ADCY10: variants seen among roughly 807,000 people sequenced by gnomAD.
The protein encoded by ADCY10 is adenylate cyclase 10, also known as adenylate cyclase type 10.
ADCY10 carries 156 observed loss-of-function variants against 183.3 expected under a neutral mutation model. That is an observed-to-expected ratio of 0.85 (90% CI 0.75 to 0.97). ADCY10 has a LOEUF of 0.97. ADCY10 is among the 50% of genes least tolerant of loss of function. The probability of loss-of-function intolerance (pLI) is 0.00; values close to 1 mark genes in which losing one functional copy is unlikely to be tolerated. For missense variants in ADCY10, 1,745 were observed against 1,934.3 expected (o/e 0.90, Z 1.84); for synonymous variants, 645 against 670.0 (o/e 0.96, Z 0.58).
Position 167,827,949 on chromosome 1 carries a change from C to G in ADCY10, c.3750+1318G>C, listed in dbSNP as rs527935328. On this transcript the variant is annotated intron_variant, in intron 26 of 32. Coordinates refer to ENST00000367851, the MANE Select transcript of ADCY10 (RefSeq NM_018417.6). Reference sequence around the variant, plus strand: ...GGCTAGTCTCGAACTCCTGACCTCACGTGATCCGCCCACCTCAGCCTCCCA... The same window carrying G: ...GGCTAGTCTCGAACTCCTGACCTCAGGTGATCCGCCCACCTCAGCCTCCCA... Among the ~76,000 whole-genome samples the G allele has an allele frequency of 5.3e-4, 80 of 151,076 alleles. 1 individual carries two copies. The highest frequency in any genetic ancestry group is 1.8e-3 in the African/African-American group (73 of 41,132).
In ADCY10 at chr1:167,810,768, G is replaced by A. The variant is rs748002734; in HGVS notation, c.4628C>T (p.Thr1543Ile). 2 of 1,614,190 alleles carry A rather than the reference G, an allele frequency of 1.2e-6. No individual in the cohort carries two copies. Among genetic ancestry groups the A allele is most frequent in the Admixed American group, 3.3e-5 (2 of 60,024 alleles). Residue 1543 changes from threonine (T) to isoleucine (I), a missense_variant, in exon 32 of 33, where the codon ACA becomes ATA. Transcript: ENST00000367851. ...GCATTTCTCCAGTATATTCCCCTGT[G>A]TTTCAGAGAGCCGCAAGGCTGTGTT... Reference protein sequence around the residue: ...FLNTALRLSETQGNILEKCWL... With the variant: ...FLNTALRLSEIQGNILEKCWL...
intron 6 of ADCY10, among the ~76,000 whole-genome samples, chr1:167,897,411 C>T (rs1429431001): frequency 1.3e-5 from 2 of 150,166 alleles, no homozygotes; most frequent in Admixed American, 6.7e-5. Flanking sequence ...GTGGGAGAAT[C>T]GCTTGAGACT....
At chr1:167,866,847 A>G (rs12030789) in intron 14 of ADCY10, among the ~76,000 whole-genome samples, 6,023 of 151,806 alleles carry the variant, frequency 0.04, 397 homozygotes, top group East Asian at 0.27. Flanking sequence ...CCAGTGGCCT[A>G]TCTCTCAAAA....
At chr1:167,854,801 A>G (rs1665765604) in intron 17 of ADCY10, among the ~76,000 whole-genome samples, 1 of 152,184 alleles carries the variant, frequency 6.6e-6, no homozygotes, top group South Asian at 2.1e-4. Context: ...GGCTTTGGAA[A>G]GATATACATG....
At chr1:167,905,302 T>C (rs1316448827) in intron 1 of ADCY10, 104 bp from the exon 2 acceptor site, 2 of 874,350 alleles carry the variant, frequency 2.3e-6, no homozygotes, top group South Asian at 1.5e-5. Flanking sequence ...CTGCTTATAG[T>C]GGTGAAAATG....
At chr1:167,832,152 T>C (rs553677992) in intron 25 of ADCY10, among the ~76,000 whole-genome samples, 28 of 152,152 alleles carry the variant, frequency 1.8e-4, no homozygotes, top group Non-Finnish European at 3.1e-4. Context: ...GCAGAACCTA[T>C]AGTAATATAG....
intron 12 of ADCY10, among the ~76,000 whole-genome samples, chr1:167,877,694 A>T (rs2102221381): frequency 6.6e-6 from 1 of 152,322 alleles, no homozygotes; most frequent in Middle Eastern, 3.4e-3. Flanking sequence ...TATAGGAGGA[A>T]AAAAGGAAGA....
At chr1:167,871,281 T>C (rs1667089037) in intron 13 of ADCY10, among the ~76,000 whole-genome samples, 1 of 152,230 alleles carries the variant, frequency 6.6e-6, no homozygotes, top group South Asian at 2.1e-4. Flanking sequence ...TTACCAGGGA[T>C]AAAATTCAAT....
At chr1:167,829,556 A>C (rs950390044) in intron 25 of ADCY10, 133 bp from the exon 26 acceptor site, 5 of 962,766 alleles carry the variant, frequency 5.2e-6, no homozygotes, top group African/African-American at 4.9e-5. Flanking sequence ...GCCTGTCTCC[A>C]TGACTGACAA....
intron 8 of ADCY10, among the ~76,000 whole-genome samples, chr1:167,890,682 G>T (rs138836439): frequency 0.012 from 1,766 of 152,300 alleles, 13 homozygotes; most frequent in African/African-American, 0.017. Flanking sequence ...GTCCACAGAT[G>T]CCATCTGGGA....
chr1:167,843,612 G>A (rs2101956301), intron 21 of ADCY10, among the ~76,000 whole-genome samples: 1 of 152,152 alleles, frequency 6.6e-6, no homozygotes, highest in African/African-American at 2.4e-5. Context: ...CCTCCCAAGG[G>A]CACCCTGGGA....
At position 167,846,002 on chromosome 1, in the gene ADCY10, T is replaced by C. The variant is rs771171117; in HGVS notation, c.2699A>G (p.Lys900Arg). Residue 900 changes from lysine to arginine, a missense_variant, in exon 20 of 33, where the codon AAG (lysine) becomes AGG (arginine). Lys to Arg is a conservative substitution (Grantham distance 26). Transcript: ENST00000367851. ...FEVHYRSLSL[K>R]PSEGMDHGEE... ...CTACTCACCCATCCCTTCACTGGGC[T>C]TCAGAGACAAGGAACGATAGTGCAC... 5 of 1,614,216 alleles carry C rather than the reference T, an allele frequency of 3.1e-6. No individual in the cohort carries two copies. Among genetic ancestry groups the C allele is most frequent in the Non-Finnish European group, 4.2e-6 (5 of 1,180,034 alleles).
At chr1:167,853,651 A>G (rs930608994) in intron 18 of ADCY10, among the ~76,000 whole-genome samples, 1 of 151,974 alleles carries the variant, frequency 6.6e-6, no homozygotes, top group Non-Finnish European at 1.5e-5. Flanking sequence ...TCATGCCATC[A>G]CTTCAGATTT....
In ADCY10 at chr1:167,809,565, T is replaced by A; in HGVS notation, c.*113A>T. The A allele has an allele frequency of 8.6e-7, 1 of 1,158,672 alleles. No homozygotes were observed. Among genetic ancestry groups the A allele is most frequent in the Non-Finnish European group, 1.3e-6 (1 of 776,416 alleles). The allele number at this position is 1,158,672 out of a possible 1,614,324, so 71.8% of individuals were successfully genotyped here. ...AGAAATCAACATGTCTGTTTCTGTGTCTGGAACAGAAGAGATTATGTAGGA... is the reference window on the plus strand; with the variant it reads ...AGAAATCAACATGTCTGTTTCTGTGACTGGAACAGAAGAGATTATGTAGGA... On this transcript the variant is annotated 3_prime_UTR_variant, in exon 33 of 33. Transcript: ENST00000367851.
chr1:167,909,537 A>T (rs1339590344), intron 1 of ADCY10, among the ~76,000 whole-genome samples: 1 of 150,288 alleles, frequency 6.7e-6, no homozygotes, highest in Admixed American at 6.6e-5. Context: ...TTCTTAAAAC[A>T]TTATGAGATT....
At chr1:167,896,460 T>C in intron 7 of ADCY10, 135 bp downstream of exon 7, 1 of 768,016 alleles carries the variant, frequency 1.3e-6, no homozygotes, top group East Asian at 2.5e-5. Flanking sequence ...GGGAAGTAGG[T>C]CCCCTTTGTG....
intron 6 of ADCY10, among the ~76,000 whole-genome samples, chr1:167,897,821 C>T (rs1463234716): frequency 2.9e-4 from 8 of 27,390 alleles, no homozygotes; most frequent in East Asian, 6.1e-4. Context: ...ACGGTGAAAC[C>T]CCGTCTCTAC....
rs765554881 is a variant in ADCY10 at position 167,861,072 on chromosome 1, G to A, written c.1617-9C>T. 6.2e-7 allele frequency: 1 copy of A among 1,611,606 alleles called. No homozygotes were observed. ...ATGAAATGGCAATAATCCTGTTTGTGAGAAAATCAAGAAACAGAAGAGAGT... is the reference window on the plus strand; with the variant it reads ...ATGAAATGGCAATAATCCTGTTTGTAAGAAAATCAAGAAACAGAAGAGAGT... On this transcript the variant is annotated splice_polypyrimidine_tract_variant and intron_variant, in intron 14 of 32. Coordinates refer to ENST00000367851, the MANE Select transcript of ADCY10 (RefSeq NM_018417.6).
chr1:167,875,649 A>G (rs1667399762), intron 12 of ADCY10, among the ~76,000 whole-genome samples: 1 of 152,146 alleles, frequency 6.6e-6, no homozygotes. Flanking sequence ...TGACAAAAAC[A>G]CTGTTAAGAA....
Sources: gnomAD v4.1 joint callset for allele counts (sites outside exome capture counted in the v4.1 genomes callset) on GRCh38, gnomAD v4.1.1 for gene constraint, MANE v1.5 for transcripts, NCBI Gene and HGNC (gene_info 2026-07-23, HGNC 2026-07-21) for gene names.